DSCAM: variants seen among roughly 807,000 people sequenced by gnomAD.
DSCAM encodes the protein DS cell adhesion molecule.
Under a neutral mutation model 217.7 loss-of-function variants are expected in DSCAM, and 47 were observed. The observed-to-expected ratio is 0.22, with a 90% CI of 0.17 to 0.28. DSCAM has a LOEUF of 0.28. Ranked by LOEUF, DSCAM falls within the 10% of genes least tolerant of loss-of-function variation. The pLI is 1.00. For synonymous variants in DSCAM, 1,056 were observed against 1,015.3 expected, an observed-to-expected ratio of 1.04 and a Z score of -0.76; for missense variants, 2,080 against 2,618.3, an observed-to-expected ratio of 0.79 and a Z score of 4.49.
At chr21:40,106,942 T>C (rs1044084915) in intron 20 of DSCAM, among the ~76,000 whole-genome samples, 27 of 152,044 alleles carry the variant, frequency 1.8e-4, no homozygotes, top group African/African-American at 5.8e-4. Flanking sequence ...TGTTGATCCA[T>C]TGAATGGTTT....
intron 2 of DSCAM, among the ~76,000 whole-genome samples, chr21:40,703,010 A>T (rs1361260722): frequency 6.6e-6 from 1 of 152,192 alleles, no homozygotes; most frequent in African/African-American, 2.4e-5. Flanking sequence ...ATAGCCAATT[A>T]TTTTTTAAAA....
intron 3 of DSCAM, among the ~76,000 whole-genome samples, chr21:40,427,015 T>C (rs1430655741): frequency 2.0e-5 from 3 of 152,226 alleles, no homozygotes; most frequent in South Asian, 4.1e-4. Context: ...CGGGACCTGA[T>C]GCTGTCAGCC....
chr21:40,433,281 G>A (rs1463404162), intron 3 of DSCAM, among the ~76,000 whole-genome samples: 1 of 150,134 alleles, frequency 6.7e-6, no homozygotes. Flanking sequence ...CTCGGGAGGT[G>A]GAGACTGCAG....
chr21:40,181,972 G>A (rs2090808109), intron 14 of DSCAM, among the ~76,000 whole-genome samples: 1 of 152,054 alleles, frequency 6.6e-6, no homozygotes, highest in South Asian at 2.1e-4. Flanking sequence ...CAGCCTCTGT[G>A]AGGTGAGGAA....
At chr21:40,642,341 A>G (rs1568958128) in intron 3 of DSCAM, among the ~76,000 whole-genome samples, 2 of 152,126 alleles carry the variant, frequency 1.3e-5, no homozygotes, top group Non-Finnish European at 2.9e-5. Flanking sequence ...CAGAGGCACG[A>G]TAAGTATGTA....
intron 11 of DSCAM, among the ~76,000 whole-genome samples, chr21:40,219,218 C>T (rs1225420845): frequency 6.6e-6 from 1 of 152,156 alleles, no homozygotes; most frequent in African/African-American, 2.4e-5. Context: ...GCCTTTCCTG[C>T]ATCTATTGAG....
chr21:40,285,922 T>G (rs1296927047), intron 10 of DSCAM, among the ~76,000 whole-genome samples: 3 of 152,186 alleles, frequency 2.0e-5, no homozygotes, highest in Admixed American at 6.5e-5. Flanking sequence ...ATCAGAGGAG[T>G]GCACTGGGGC....
intron 3 of DSCAM, among the ~76,000 whole-genome samples, chr21:40,594,008 T>C (rs2077002749): frequency 6.6e-6 from 1 of 152,234 alleles, no homozygotes; most frequent in South Asian, 2.1e-4. Flanking sequence ...AGAAAGTTAC[T>C]TAGGTCCATT....
chr21:40,224,053 G>A (rs1414724431), intron 11 of DSCAM, among the ~76,000 whole-genome samples: 1 of 152,204 alleles, frequency 6.6e-6, no homozygotes, highest in Admixed American at 6.5e-5. Context: ...AACCCACAGT[G>A]TCATAACAAT....
intron 11 of DSCAM, among the ~76,000 whole-genome samples, chr21:40,202,959 G>T (rs2091086139): frequency 6.6e-6 from 1 of 152,302 alleles, no homozygotes; most frequent in Admixed American, 6.5e-5. Context: ...TAATAATGAG[G>T]ATGATAATTA....
intron 32 of DSCAM, among the ~76,000 whole-genome samples, chr21:40,040,827 T>C (rs552486698): frequency 2.6e-5 from 4 of 152,260 alleles, no homozygotes; most frequent in Admixed American, 1.3e-4. Flanking sequence ...TATGGTCTTC[T>C]CTCCAGTCCT....
intron 32 of DSCAM, among the ~76,000 whole-genome samples, chr21:40,026,583 T>C (rs991033547): frequency 6.8e-6 from 1 of 147,330 alleles, no homozygotes; most frequent in East Asian, 2.0e-4. Flanking sequence ...ATATTTAGGA[T>C]AGTTAGCTCT....
At chr21:40,576,708 C>T (rs759317045) in intron 3 of DSCAM, among the ~76,000 whole-genome samples, 9 of 151,854 alleles carry the variant, frequency 5.9e-5, no homozygotes, top group Non-Finnish European at 1.2e-4. Flanking sequence ...ATATAGAACT[C>T]CTGAAAAATC....
intron 3 of DSCAM, among the ~76,000 whole-genome samples, chr21:40,378,345 G>T (rs2074983638): frequency 6.6e-6 from 1 of 152,036 alleles, no homozygotes; most frequent in Non-Finnish European, 1.5e-5. Flanking sequence ...AAAAGGTATG[G>T]GAAATAAAAA....
At chr21:40,585,624 G>A (rs2076940826) in intron 3 of DSCAM, among the ~76,000 whole-genome samples, 1 of 152,072 alleles carries the variant, frequency 6.6e-6, no homozygotes, top group African/African-American at 2.4e-5. Context: ...CAAATAAGAG[G>A]GTGTTACGGT....
intron 3 of DSCAM, among the ~76,000 whole-genome samples, chr21:40,643,913 A>C (rs762881913): frequency 1.3e-5 from 2 of 152,222 alleles, no homozygotes; most frequent in Non-Finnish European, 2.9e-5. Flanking sequence ...TTTGTTACCC[A>C]GTCTGTGGAT....
intron 3 of DSCAM, among the ~76,000 whole-genome samples, chr21:40,671,784 C>T (rs910874690): frequency 1.3e-5 from 2 of 151,004 alleles, no homozygotes; most frequent in Non-Finnish European, 2.9e-5. Flanking sequence ...ACATGGAAAC[C>T]GTATGGAAAT....
At chr21:40,800,718 T>TTC (rs1555890065) in intron 1 of DSCAM, among the ~76,000 whole-genome samples, 1 of 147,618 alleles carries the variant, frequency 6.8e-6, no homozygotes, top group Non-Finnish European at 1.5e-5. Context: ...TTACTTTCTT[T>TTC]TTTTTTTTTT....
At chr21:40,707,136 T>C (rs545920821) in intron 2 of DSCAM, among the ~76,000 whole-genome samples, 1 of 152,316 alleles carries the variant, frequency 6.6e-6, no homozygotes, top group Non-Finnish European at 1.5e-5. Flanking sequence ...AAGGCAGACA[T>C]AATGGATTAA....
Sources: gnomAD v4.1 joint callset for allele counts (sites outside exome capture counted in the v4.1 genomes callset) on GRCh38, gnomAD v4.1.1 for gene constraint, MANE v1.5 for transcripts, NCBI Gene and HGNC (gene_info 2026-07-23, HGNC 2026-07-21) for gene names.